Variants in COPS6 observed in about 807,000 individuals in gnomAD.
COPS6 encodes COP9 signalosome complex subunit 6.
Under a neutral mutation model 41.0 loss-of-function variants are expected in COPS6, and 9 were observed. The observed-to-expected ratio is 0.22, with a 90% CI of 0.13 to 0.38. The LOEUF is 0.38. COPS6 is among the 10% of genes least tolerant of loss of function. The probability of loss-of-function intolerance (pLI) is 1.00; values close to 1 mark genes in which losing one functional copy is unlikely to be tolerated. For synonymous variants in COPS6, 179 were observed against 162.9 expected, an observed-to-expected ratio of 1.10 and a Z score of -0.75; for missense variants, 302 against 436.7, an observed-to-expected ratio of 0.69 and a Z score of 2.75.
At position 100,091,577 on chromosome 7, in the gene COPS6, GACTGGGGACTGTTGT is replaced by G; in HGVS notation, c.843+58_844-57del. On this transcript the variant is annotated intron_variant, in intron 9 of 9. Coordinates refer to ENST00000303904, the MANE Select transcript of COPS6 (RefSeq NM_006833.5). The surrounding 1 kb of genome is among the most constrained non-coding windows in gnomAD (Gnocchi z 4.1). ...CTTATGCTGTCACTTTCACGTGCAGGACTGGGGACTGTTGTTCCCCGGGCATGCCACGAGGGATCC... is the reference window on the plus strand; with the variant it reads ...CTTATGCTGTCACTTTCACGTGCAGGTCCCCGGGCATGCCACGAGGGATCC... The G allele has an allele frequency of 1.9e-6, 3 of 1,613,884 alleles. No homozygotes were observed. Among genetic ancestry groups the G allele is most frequent in the Non-Finnish European group, 2.5e-6 (3 of 1,179,796 alleles).
Position 100,090,579 on chromosome 7 carries a change from C to G in COPS6, c.424-13C>G, listed in dbSNP as rs765176438. The G allele has an allele frequency of 3.1e-6, 5 of 1,613,770 alleles. No individual in the cohort carries two copies. Among genetic ancestry groups the G allele is most frequent in the Non-Finnish European group, 4.2e-6 (5 of 1,179,802 alleles). ...GGGGCACTGACTTCCTGTGCATTGT[C>G]CCTCTCTTCCAGGTGTGTGAGATCA... On this transcript the variant is annotated splice_polypyrimidine_tract_variant and intron_variant, in intron 4 of 9. Transcript: ENST00000303904.
Position 100,091,998 on chromosome 7 carries a change from C to T in COPS6, c.*209C>T, listed in dbSNP as rs1290398611. The T allele has an allele frequency of 1.7e-6, 1 of 604,106 alleles. No homozygotes were observed. Among genetic ancestry groups the T allele is most frequent in the Non-Finnish European group, 2.9e-6 (1 of 347,002 alleles). 37.4% of individuals were successfully genotyped at this position (604,106 alleles called of 1,614,324 possible). A position where few individuals can be genotyped will look rare whatever the true frequency, so the allele number is the denominator to read the frequency against. ...CTCATTCTGGCCTTGCTCAGAAGCC[C>T]TTCTGATGCTCTTCAGTGAGGGAGG... On this transcript the variant is annotated 3_prime_UTR_variant, in exon 10 of 10. Coordinates refer to ENST00000303904, the MANE Select transcript of COPS6 (RefSeq NM_006833.5). The surrounding 1 kb of genome is among the most constrained non-coding windows in gnomAD (Gnocchi z 4.1).
In COPS6 at chr7:100,090,140, G is replaced by A. The variant is rs575265348; in HGVS notation, c.335-259G>A. ...CGAGGTGGGTGGATCATGAGGTCAG[G>A]AGTTCAAGACCAGCCTGGCAAACAT... On this transcript the variant is annotated intron_variant, in intron 3 of 9. Coordinates refer to ENST00000303904, the MANE Select transcript of COPS6 (RefSeq NM_006833.5). 6.3e-5 allele frequency: 31 copies of A among 494,968 alleles called. No homozygotes were observed. The Admixed American group carries it at 7.1e-4, about 11-fold the overall frequency. The allele number at this position is 494,968 out of a possible 1,614,324, so 30.7% of individuals were successfully genotyped here. A position where few individuals can be genotyped will look rare whatever the true frequency, so the allele number is the denominator to read the frequency against.
intron 2 of COPS6, 67 bp downstream of exon 2, chr7:100,089,482 C>T: frequency 6.2e-7 from 1 of 1,608,084 alleles, no homozygotes; most frequent in Non-Finnish European, 8.5e-7. Context: ...GGTCTTTTCC[C>T]CTTCCTCTAC....
intron 3 of COPS6, chr7:100,089,960 G>A (rs1164744124): frequency 3.9e-6 from 2 of 518,090 alleles, no homozygotes; most frequent in East Asian, 6.9e-5. Context: ...ATAGAAGGGA[G>A]TAGTTATTCT....
At position 100,090,606 on chromosome 7, in the gene COPS6, C is replaced by G; in HGVS notation, c.438C>G (p.Ile146Met). Residue 146 changes from isoleucine (I) to methionine (M), a missense_variant, in exon 5 of 10, where the codon ATC becomes ATG. Physicochemically the swap from Ile to Met is conservative, Grantham distance 10. This residue lies in a region of COPS6 where 222 missense variants were observed against 309.0 expected (regional missense o/e 0.72). Transcript: ENST00000303904. ...CTCTCTTCCAGGTGTGTGAGATCAT[C>G]GAGAGCCCCCTCTTTCTGAAGTTGA... ...IHVHKQVCEIIESPLFLKLNP... is the reference protein window; with the variant it reads ...IHVHKQVCEIMESPLFLKLNP... 1 of 1,614,108 alleles carries G rather than the reference C, an allele frequency of 6.2e-7. No individual in the cohort carries two copies. The highest frequency in any genetic ancestry group is 2.2e-5 in the East Asian group (1 of 44,882).
chr7:100,089,689 A>T lies in COPS6; in HGVS notation c.277A>T (p.Thr93Ser). 1.2e-6 allele frequency: 2 copies of T among 1,613,962 alleles called. No homozygotes were observed. Among genetic ancestry groups the T allele is most frequent in the Non-Finnish European group, 1.7e-6 (2 of 1,179,928 alleles). ...VMNSFELLSH[T>S]VEEKIIIDKE... The stretch of plus-strand genomic sequence containing the variant: ...GAACTCCTTTGAGCTGCTGTCCCAC[A>T]CCGTGGAAGAGAAGATTATCATTGA... The change falls in exon 3 of 10, where the codon ACC (threonine) becomes TCC (serine). Residue 93 changes from threonine to serine, a missense_variant. Coordinates refer to ENST00000303904, the MANE Select transcript of COPS6 (RefSeq NM_006833.5).
chr7:100,089,590 T>G, intron 2 of COPS6, 25 bp from the exon 3 acceptor site: 2 of 1,608,598 alleles, frequency 1.2e-6, no homozygotes, highest in Non-Finnish European at 1.7e-6. Context: ...TACCCTCACC[T>G]TTTCCATGTC....
chr7:100,089,853 CA>C (rs1562888382), intron 3 of COPS6, 107 bp downstream of exon 3: 2 of 1,107,146 alleles, frequency 1.8e-6, no homozygotes, highest in Non-Finnish European at 2.6e-6. Flanking sequence ...AGACCAAGAA[CA>C]GGGGAGAAAA....
chr7:100,090,880 GGT>G lies in COPS6; in HGVS notation c.487-21_487-20del, dbSNP rs1562888790. On this transcript the variant is annotated intron_variant, in intron 5 of 9. Transcript: ENST00000303904. ...CCCAAATGTTGGCATATAGTGTTCA[GGT>G]TTCTCCGTCTCCTTCACAGCTTCCT... 2 of 1,613,976 alleles carry G rather than the reference GGT, an allele frequency of 1.2e-6. No individual in the cohort carries two copies. Among genetic ancestry groups the G allele is most frequent in the Non-Finnish European group, 1.7e-6 (2 of 1,179,846 alleles).
In COPS6 at chr7:100,092,015, T is replaced by A; in HGVS notation, c.*226T>A. ...CAGAAGCCCTTCTGATGCTCTTCAG[T>A]GAGGGAGGCACTACCATTTGAAGTG... On this transcript the variant is annotated 3_prime_UTR_variant, in exon 10 of 10. Coordinates refer to ENST00000303904, the MANE Select transcript of COPS6 (RefSeq NM_006833.5). 1 of 574,852 alleles carries A rather than the reference T, an allele frequency of 1.7e-6. No homozygotes were observed. The highest frequency in any genetic ancestry group is 3.1e-6 in the Non-Finnish European group (1 of 324,618). The allele number at this position is 574,852 out of a possible 1,614,324, so 35.6% of individuals were successfully genotyped here. A position where few individuals can be genotyped will look rare whatever the true frequency, so the allele number is the denominator to read the frequency against.
intron 3 of COPS6, 122 bp from the exon 4 acceptor site, chr7:100,090,277 G>A (rs1584479176): frequency 1.5e-6 from 1 of 686,714 alleles, no homozygotes; most frequent in East Asian, 2.7e-5. Flanking sequence ...GAACCTGGGA[G>A]GCGGAGGTTG....
At position 100,090,453 on chromosome 7, in the gene COPS6, C is replaced by T; in HGVS notation, c.389C>T (p.Pro130Leu). 1 of 1,614,078 alleles carries T rather than the reference C, an allele frequency of 6.2e-7. No individual in the cohort carries two copies. Among genetic ancestry groups the T allele is most frequent in the South Asian group, 1.1e-5 (1 of 91,086 alleles). ...CTGGGTTGGTATACCACAGGGGGGC[C>T]ACCTGACCCCTCGGACATCCACGTC... is the stretch of plus-strand genomic sequence containing the variant. ...EFLGWYTTGG[P>L]PDPSDIHVHK... Residue 130 changes from proline to leucine, a missense_variant, in exon 4 of 10, where the codon CCA becomes CTA. Physicochemically the swap from Pro to Leu is moderately conservative, Grantham distance 98. This residue lies in a region of COPS6 where 222 missense variants were observed against 309.0 expected (regional missense o/e 0.72). Transcript: ENST00000303904.
intron 3 of COPS6, 76 bp downstream of exon 3, chr7:100,089,822 G>A (rs762452491): frequency 2.1e-6 from 3 of 1,445,982 alleles, no homozygotes; most frequent in East Asian, 2.3e-5. Flanking sequence ...GATGGAGAGG[G>A]TTGGAAAGAA....
Position 100,091,322 on chromosome 7 carries a change from CTG to C in COPS6, c.735_736del (p.Glu246SerfsTer7). ...CTCATCTTGGAGTACGTCAAGGCCTCTGAAGCGGGTAGGACAGGGGCTTCCCT... is the reference window on the plus strand; with the variant it reads ...CTCATCTTGGAGTACGTCAAGGCCTCAAGCGGGTAGGACAGGGGCTTCCCT... On this transcript the variant is annotated frameshift_variant, in exon 8 of 10. Transcript: ENST00000303904. LOFTEE classifies it high-confidence loss of function. This position sits in a 1 kb window ranked among gnomAD's most constrained non-coding sequence, Gnocchi z 4.1. 6.2e-7 allele frequency: 1 copy of C among 1,614,212 alleles called. No individual in the cohort carries two copies. Among genetic ancestry groups the C allele is most frequent in the East Asian group, 2.2e-5 (1 of 44,882 alleles).
intron 3 of COPS6, 139 bp downstream of exon 3, chr7:100,089,885 A>C: frequency 3.8e-6 from 3 of 787,604 alleles, no homozygotes; most frequent in East Asian, 2.7e-5. Flanking sequence ...AGCTGGAGAG[A>C]TCTCAGAAAA....
chr7:100,091,806 G>A lies in COPS6; in HGVS notation c.*17G>A. 1 of 1,614,196 alleles carries A rather than the reference G, an allele frequency of 6.2e-7. No individual in the cohort carries two copies. The highest frequency in any genetic ancestry group is 8.5e-7 in the Non-Finnish European group (1 of 1,180,002). ...TTTTTCTGATGAGGGTACTTGAAGG[G>A]CTGATGGACAGGGGTCAGGCAACTA... On this transcript the variant is annotated 3_prime_UTR_variant, in exon 10 of 10. Coordinates refer to ENST00000303904, the MANE Select transcript of COPS6 (RefSeq NM_006833.5). This position sits in a 1 kb window ranked among gnomAD's most constrained non-coding sequence, Gnocchi z 4.1.
Position 100,091,364 on chromosome 7 carries a change from C to A in COPS6, c.742+34C>A. 6.2e-7 allele frequency: 1 copy of A among 1,613,042 alleles called. No homozygotes were observed. The highest frequency in any genetic ancestry group is 8.5e-7 in the Non-Finnish European group (1 of 1,179,008). ...GGGGCTTCCCTGGCATTCTTCCTCT[C>A]CCTCCTGGGGAAGTGACAGCATCCA... On this transcript the variant is annotated intron_variant, in intron 8 of 9. Coordinates refer to ENST00000303904, the MANE Select transcript of COPS6 (RefSeq NM_006833.5). The surrounding 1 kb of genome is among the most constrained non-coding windows in gnomAD (Gnocchi z 4.1).
At position 100,091,692 on chromosome 7, in the gene COPS6, C is replaced by G; in HGVS notation, c.887C>G (p.Thr296Ser). ...VGLMAYLGTITKTCNTMNQFV... is the reference protein window; with the variant it reads ...VGLMAYLGTISKTCNTMNQFV... ...CTCATGGCCTACCTCGGCACCATCA[C>G]CAAAACGTGCAACACCATGAACCAG... The change falls in exon 10 of 10, where the codon ACC (threonine) becomes AGC (serine). Residue 296 changes from threonine to serine, a missense_variant. Thr to Ser is a moderately conservative substitution (Grantham distance 58). Around this residue, in one of 3 missense-constraint regions of COPS6, gnomAD observed 222 missense variants for 309.0 expected, o/e 0.72. Coordinates refer to ENST00000303904, the MANE Select transcript of COPS6 (RefSeq NM_006833.5). The surrounding 1 kb of genome is among the most constrained non-coding windows in gnomAD (Gnocchi z 4.1). 3 of 1,614,194 alleles carry G rather than the reference C, an allele frequency of 1.9e-6. No homozygotes were observed. The highest frequency in any genetic ancestry group is 2.5e-6 in the Non-Finnish European group (3 of 1,180,044).
Sources: allele counts gnomAD v4.1 joint callset, GRCh38; gene constraint gnomAD v4.1.1; regional missense constraint gnomAD v4.1.1; non-coding constraint Gnocchi (gnomAD v3.1); transcripts MANE v1.5; gene names NCBI Gene and HGNC (gene_info 2026-07-23, HGNC 2026-07-21).